PRELID2: variants seen among roughly 807,000 people sequenced by gnomAD.
The protein encoded by PRELID2 is PRELI domain containing 2.
In PRELID2, 25 loss-of-function variants were observed where a neutral mutation model predicts 28.4. The ratio of observed to expected loss-of-function variants is 0.88; its 90% CI spans 0.64 to 1.23. PRELID2 has a LOEUF of 1.23. Among genes scored for constraint, PRELID2 ranks in the 50% most tolerant of loss-of-function variants. PRELID2 has a pLI of 0.00. For missense variants in PRELID2, 201 were observed against 214.4 expected (o/e 0.94, Z 0.39); for synonymous variants, 76 against 71.6 (o/e 1.06, Z -0.31).
At chr5:145,306,771 T>C in the PRELID2 span, among the ~76,000 whole-genome samples, 9 of 152,150 alleles carry the variant, frequency 5.9e-5, no homozygotes, top group Admixed American at 2.6e-4. Flanking sequence ...CGTATATATG[T>C]TAATTTTTAA....
intron 1 of PRELID2, among the ~76,000 whole-genome samples, chr5:145,717,033 A>G (rs1755862339): frequency 6.6e-6 from 1 of 152,198 alleles, no homozygotes; most frequent in South Asian, 2.1e-4. Context: ...CTATACTGCT[A>G]TTAAAAATAA....
At chr5:145,241,492 T>G in the PRELID2 span, among the ~76,000 whole-genome samples, 1 of 152,184 alleles carries the variant, frequency 6.6e-6, no homozygotes, top group African/African-American at 2.4e-5. Context: ...GTCATAGCAC[T>G]CAGCCTTTCT....
At chr5:145,656,758 G>T (rs1349420542) in intron 1 of PRELID2, among the ~76,000 whole-genome samples, 3 of 128,740 alleles carry the variant, frequency 2.3e-5, no homozygotes, top group Non-Finnish European at 4.9e-5. Flanking sequence ...GTCATGGGGT[G>T]GGGGGAGGGG....
the PRELID2 span, among the ~76,000 whole-genome samples, chr5:145,247,888 G>A: frequency 6.6e-6 from 1 of 151,942 alleles, no homozygotes; most frequent in South Asian, 2.1e-4. Context: ...TATTATACTG[G>A]CCTCAGCTAA....
chr5:145,369,017 C>A, the PRELID2 span, among the ~76,000 whole-genome samples: 1 of 151,542 alleles, frequency 6.6e-6, no homozygotes, highest in South Asian at 2.1e-4. Flanking sequence ...TCTATGTGTC[C>A]GTGTATTTTC....
chr5:145,297,571 C>T, the PRELID2 span, among the ~76,000 whole-genome samples: 2 of 152,158 alleles, frequency 1.3e-5, no homozygotes, highest in South Asian at 2.1e-4. Flanking sequence ...GACAGGGATG[C>T]CCTCTCTCAC....
intron 2 of PRELID2, among the ~76,000 whole-genome samples, chr5:145,822,404 G>A (rs564622880): frequency 6.6e-6 from 1 of 152,312 alleles, no homozygotes; most frequent in African/African-American, 2.4e-5. Flanking sequence ...CAACTCTGCT[G>A]TTGTAGTGAG....
chr5:145,336,706 C>A, the PRELID2 span, among the ~76,000 whole-genome samples: 1 of 151,828 alleles, frequency 6.6e-6, no homozygotes, highest in Non-Finnish European at 1.5e-5. Context: ...AGACTTGGAA[C>A]CAACCCAAAT....
intron 1 of PRELID2, among the ~76,000 whole-genome samples, chr5:145,693,000 G>A (rs1020689197): frequency 2.0e-5 from 3 of 152,076 alleles, no homozygotes; most frequent in Non-Finnish European, 2.9e-5. Context: ...ACAGGTGTAC[G>A]TCACCTAAAG....
At chr5:145,332,765 C>CAGA in the PRELID2 span, among the ~76,000 whole-genome samples, 1 of 152,064 alleles carries the variant, frequency 6.6e-6, no homozygotes, top group Non-Finnish European at 1.5e-5. Flanking sequence ...AAGCCTACTT[C>CAGA]TGTCAATTCG....
intron 4 of PRELID2, among the ~76,000 whole-genome samples, chr5:145,797,201 G>GT (rs1752820949): frequency 6.6e-6 from 1 of 152,076 alleles, no homozygotes; most frequent in Non-Finnish European, 1.5e-5. Context: ...GGCTGAATAG[G>GT]AAGTCCCAAG....
intron 1 of PRELID2, among the ~76,000 whole-genome samples, chr5:145,742,859 C>T (rs867930706): frequency 6.6e-6 from 1 of 151,622 alleles, no homozygotes; most frequent in Admixed American, 6.6e-5. Flanking sequence ...TGACAAAGAA[C>T]AAAGACAGAA....
the PRELID2 span, among the ~76,000 whole-genome samples, chr5:145,355,319 T>G: frequency 6.6e-6 from 1 of 152,174 alleles, no homozygotes; most frequent in Non-Finnish European, 1.5e-5. Flanking sequence ...AGCTCATGTG[T>G]AATTTAGTTA....
intron 1 of PRELID2, among the ~76,000 whole-genome samples, chr5:145,716,134 T>C (rs923931322): frequency 6.6e-6 from 1 of 152,160 alleles, no homozygotes; most frequent in African/African-American, 2.4e-5. Context: ...CTTCTTCCAA[T>C]GTGGCCCAGA....
At chr5:145,418,302 G>C in the PRELID2 span, among the ~76,000 whole-genome samples, 3 of 152,062 alleles carry the variant, frequency 2.0e-5, no homozygotes, top group South Asian at 2.1e-4. Flanking sequence ...TCATGAAAAT[G>C]GCCATCCAGT....
At chr5:145,821,165 GTGTGTGTGTGTGTGTGTAAGTCCTCTTC>G (rs950238046) in intron 2 of PRELID2, among the ~76,000 whole-genome samples, 6 of 96,760 alleles carry the variant, frequency 6.2e-5, no homozygotes, top group Non-Finnish European at 1.5e-4. Context: ...GTGTGTGTGT[GTGTGTGTGTGTGTGTGTAAGTCCTCTTC>G]TGTGTGTGTG....
At chr5:145,597,046 A>G (rs1372169899) in intron 1 of PRELID2, among the ~76,000 whole-genome samples, 2 of 152,208 alleles carry the variant, frequency 1.3e-5, no homozygotes, top group Non-Finnish European at 2.9e-5. Flanking sequence ...ACATAAGCAC[A>G]TCAGTAGAGT....
At chr5:145,323,142 T>G in the PRELID2 span, among the ~76,000 whole-genome samples, 1 of 149,694 alleles carries the variant, frequency 6.7e-6, no homozygotes, top group East Asian at 2.0e-4. Context: ...AAAGCCAGTA[T>G]GGGAAAACTA....
chr5:145,517,383 G>GA (rs1227606319), intron 1 of PRELID2, among the ~76,000 whole-genome samples: 1 of 151,978 alleles, frequency 6.6e-6, no homozygotes, highest in Admixed American at 6.6e-5. Flanking sequence ...AGAAAAACAT[G>GA]AAAAAAAGCT....
Sources: gnomAD v4.1 joint callset for allele counts (sites outside exome capture counted in the v4.1 genomes callset) on GRCh38, gnomAD v4.1.1 for gene constraint, MANE v1.5 for transcripts, NCBI Gene and HGNC (gene_info 2026-07-23, HGNC 2026-07-21) for gene names.